Variants in SCAF11 observed in about 807,000 individuals in gnomAD.
The protein encoded by SCAF11 is protein SCAF11.
Under a neutral mutation model 140.5 loss-of-function variants are expected in SCAF11, and 47 were observed. The observed-to-expected ratio is 0.33, with a 90% CI of 0.26 to 0.43. The LOEUF (loss-of-function observed/expected upper bound fraction) is 0.43. SCAF11 is among the 20% of genes least tolerant of loss of function. SCAF11 has a pLI of 1.00. For missense variants in SCAF11, 1,645 were observed against 1,705.1 expected, an observed-to-expected ratio of 0.96 and a Z score of 0.62; for synonymous variants, 557 against 579.4, an observed-to-expected ratio of 0.96 and a Z score of 0.55.
intron 3 of SCAF11, 29 bp from the exon 4 acceptor site, chr12:45,951,756 T>C (rs779222069): frequency 7.9e-6 from 11 of 1,389,424 alleles, no homozygotes; most frequent in African/African-American, 2.8e-5. Flanking sequence ...ATTATATCTT[T>C]ACAAATGTTT....
At chr12:45,979,888 TA>T (rs546287967) in intron 1 of SCAF11, among the ~76,000 whole-genome samples, 15,391 of 145,812 alleles carry the variant, frequency 0.11, 2,503 homozygotes, top group African/African-American at 0.35. Flanking sequence ...AACTTAAAAT[TA>T]AAAAAAAAAA....
At chr12:45,977,369 T>C (rs767631872) in intron 1 of SCAF11, among the ~76,000 whole-genome samples, 8 of 152,086 alleles carry the variant, frequency 5.3e-5, no homozygotes, top group Non-Finnish European at 1.0e-4. Flanking sequence ...TATTCTAGAA[T>C]TGCATTTACA....
Position 45,931,590 on chromosome 12 carries a change from C to T in SCAF11, c.757G>A (p.Val253Ile), listed in dbSNP as rs200054395. 9.8e-6 allele frequency: 15 copies of T among 1,535,624 alleles called. No individual in the cohort carries two copies. Among genetic ancestry groups the T allele is most frequent in the Admixed American group, 8.9e-5 (4 of 45,138 alleles). Residue 253 changes from valine to isoleucine, a missense_variant, in exon 10 of 15, where the codon GTT becomes ATT. By Grantham distance (29) the Val-to-Ile change is conservative. Transcript: ENST00000369367. ...ATGAGAGGAAGGACTTCTGTTTCAA[C>T]ATTCCAGGGTATAAAACCAATTCTG... ...IGRIGFIPWN[V>I]ETEVLPLISS...
intron 1 of SCAF11, among the ~76,000 whole-genome samples, chr12:45,985,318 T>C (rs1377923532): frequency 6.6e-6 from 1 of 152,220 alleles, no homozygotes. Context: ...AGTTTCCCAT[T>C]GCCTTTGCTG....
At chr12:45,973,617 G>A (rs1027997661) in intron 1 of SCAF11, among the ~76,000 whole-genome samples, 10 of 152,104 alleles carry the variant, frequency 6.6e-5, no homozygotes, top group Admixed American at 5.9e-4. Flanking sequence ...ACTTACGAGG[G>A]GGAGGGAGTT....
chr12:45,926,039 A>G, intron 11 of SCAF11, 103 bp downstream of exon 11: 11 of 1,259,438 alleles, frequency 8.7e-6, no homozygotes, highest in African/African-American at 1.5e-5. Flanking sequence ...TCAGCTTATT[A>G]TAAAAACTAC....
Position 45,973,602 on chromosome 12 carries a change from G to GC in SCAF11, c.-21-9415dup, listed in dbSNP as rs548498255. Reference sequence around the variant, plus strand: ...GAAAGCACCCAGAAAAAACAATGATGCATTACTTACGAGGGGGAGGGAGTT... The same window carrying GC: ...GAAAGCACCCAGAAAAAACAATGATGCCATTACTTACGAGGGGGAGGGAGTT... On this transcript the variant is annotated intron_variant, in intron 1 of 14. Transcript: ENST00000369367. 1.5e-4 allele frequency among the ~76,000 whole-genome samples: 23 copies of GC among 152,244 alleles called. 1 individual carries two copies. Among genetic ancestry groups the GC allele is most frequent in the African/African-American group, 5.5e-4 (23 of 41,544 alleles).
rs200096019 is a variant in SCAF11, at chr12:45,927,987, A to G, written c.1714T>C (p.Ser572Pro). Reference protein sequence around the residue: ...QPVSCPLSDLSENVESVVNEE... With the variant: ...QPVSCPLSDLPENVESVVNEE... ...TTAACCACTGACTCTACATTCTCAG[A>G]TAAGTCACTTAGGGGACAAGATACA... The change falls in exon 11 of 15, where the codon TCT (serine) becomes CCT (proline). Residue 572 changes from serine to proline, a missense_variant. Ser to Pro is a moderately conservative substitution (Grantham distance 74, BLOSUM62 -1). This residue lies in a region of SCAF11 where 1,582 missense variants were observed against 1,609.2 expected (regional missense o/e 0.98). Transcript: ENST00000369367. 1.4e-5 allele frequency: 22 copies of G among 1,613,244 alleles called. No homozygotes were observed. Among genetic ancestry groups the G allele is most frequent in the African/African-American group, 9.3e-5 (7 of 75,068 alleles).
chr12:45,936,167 A>T (rs1294941106), intron 6 of SCAF11, among the ~76,000 whole-genome samples: 1 of 151,000 alleles, frequency 6.6e-6, no homozygotes, highest in African/African-American at 2.4e-5. Flanking sequence ...TTTGAAACAG[A>T]ATCTCGCTTT....
intron 3 of SCAF11, among the ~76,000 whole-genome samples, chr12:45,957,772 G>T (rs1440603351): frequency 2.0e-5 from 3 of 152,086 alleles, no homozygotes; most frequent in East Asian, 3.9e-4. Context: ...TATACTGCAG[G>T]TTCCATTAAA....
At chr12:45,946,013 A>G (rs928751313) in intron 5 of SCAF11, among the ~76,000 whole-genome samples, 8 of 152,058 alleles carry the variant, frequency 5.3e-5, no homozygotes, top group Admixed American at 4.6e-4. Flanking sequence ...TTAAACAACA[A>G]TCTTACTGGC....
Position 45,924,821 on chromosome 12 carries a change from A to T in SCAF11, c.3813T>A (p.Ser1271Arg). ...VPLMQVATPT[S>R]VSQGLPPPPP... ...GTGGTGGTGGTAGTCCCTGAGATAC[A>T]CTGGTAGGAGTGGCTACCTGCATGA... Residue 1271 changes from serine (S) to arginine (R), a missense_variant, in exon 12 of 15, where the codon AGT becomes AGA. Around this residue, in one of 2 missense-constraint regions of SCAF11, gnomAD observed 1,582 missense variants for 1,609.2 expected, o/e 0.98. Coordinates refer to ENST00000369367, the MANE Select transcript of SCAF11 (RefSeq NM_004719.3). The T allele has an allele frequency of 6.2e-7, 1 of 1,613,972 alleles. No individual in the cohort carries two copies. Among genetic ancestry groups the T allele is most frequent in the Non-Finnish European group, 8.5e-7 (1 of 1,179,982 alleles).
At chr12:45,925,372 G>A (rs951549891) in intron 11 of SCAF11, among the ~76,000 whole-genome samples, 4 of 152,086 alleles carry the variant, frequency 2.6e-5, no homozygotes, top group African/African-American at 2.4e-5. Context: ...GGCCAACATG[G>A]TGAAACCCCG....
At chr12:45,985,454 T>C (rs890093106) in intron 1 of SCAF11, among the ~76,000 whole-genome samples, 2 of 152,154 alleles carry the variant, frequency 1.3e-5, no homozygotes, top group Admixed American at 6.5e-5. Context: ...GTTTGAGCTC[T>C]AGTACCTTAA....
chr12:45,985,884 T>C (rs1946449582), intron 1 of SCAF11, among the ~76,000 whole-genome samples: 1 of 152,144 alleles, frequency 6.6e-6, no homozygotes, highest in South Asian at 2.1e-4. Context: ...TTTTTTTAGT[T>C]CTTACCTTAT....
intron 1 of SCAF11, among the ~76,000 whole-genome samples, chr12:45,985,568 T>C (rs892242704): frequency 1.3e-5 from 2 of 152,168 alleles, no homozygotes; most frequent in African/African-American, 2.4e-5. Context: ...TAACAAGTCA[T>C]TTAACTTCTC....
At position 45,954,134 on chromosome 12, in the gene SCAF11, T is replaced by G. The variant is rs954011842; in HGVS notation, c.220-2407A>C. ...AAATTTGTATCAGATGCATCAAATC[T>G]TTCAAAGACTCTCAAATCATACAAT... On this transcript the variant is annotated intron_variant, in intron 3 of 14. Coordinates refer to ENST00000369367, the MANE Select transcript of SCAF11 (RefSeq NM_004719.3). Among the ~76,000 whole-genome samples, 2 of 152,250 alleles carry G rather than the reference T, an allele frequency of 1.3e-5. 1 individual carries two copies. The highest frequency in any genetic ancestry group is 4.8e-5 in the African/African-American group (2 of 41,466).
chr12:45,935,813 AT>A (rs560610097), intron 6 of SCAF11, among the ~76,000 whole-genome samples: 181 of 152,338 alleles, frequency 1.2e-3, no homozygotes, highest in Admixed American at 2.7e-3. Context: ...TTCTCAGGTA[AT>A]TACTCAACAG....
At chr12:45,941,428 C>T (rs1403789763) in intron 6 of SCAF11, among the ~76,000 whole-genome samples, 2 of 152,250 alleles carry the variant, frequency 1.3e-5, no homozygotes, top group East Asian at 1.9e-4. Flanking sequence ...AGTGAGAACA[C>T]AAGATCTAAA....
Sources: allele counts gnomAD v4.1 joint callset (sites outside exome capture counted in the v4.1 genomes callset), GRCh38; gene constraint gnomAD v4.1.1; regional missense constraint gnomAD v4.1.1; transcripts MANE v1.5; gene names NCBI Gene and HGNC (gene_info 2026-07-23, HGNC 2026-07-21).